Variants in PIK3AP1 observed in about 807,000 individuals in gnomAD.
PIK3AP1 encodes the protein phosphoinositide-3-kinase adaptor protein 1.
In PIK3AP1, 21 loss-of-function variants were observed where a neutral mutation model predicts 88.1. That is an observed-to-expected ratio of 0.24 (90% CI 0.17 to 0.34). The LOEUF is 0.34. Among genes scored for constraint, PIK3AP1 ranks in the 10% least tolerant of loss-of-function variants. The pLI is 1.00. For synonymous variants in PIK3AP1, 398 were observed against 400.0 expected (o/e 1.00, Z 0.06); for missense variants, 828 against 1,035.7 (o/e 0.80, Z 2.75).
intron 12 of PIK3AP1, among the ~76,000 whole-genome samples, 182 bp downstream of exon 12, chr10:96,620,170 A>G (rs1301682735): frequency 6.6e-6 from 1 of 152,188 alleles, no homozygotes; most frequent in East Asian, 1.9e-4. Flanking sequence ...CCAGGGAGCC[A>G]TGTGGTTACA....
intron 2 of PIK3AP1, among the ~76,000 whole-genome samples, chr10:96,700,119 G>C (rs1844276262): frequency 6.6e-6 from 1 of 152,156 alleles, no homozygotes; most frequent in South Asian, 2.1e-4. Flanking sequence ...CAGCATTCGT[G>C]ACTCCCTTTT....
intron 15 of PIK3AP1, chr10:96,603,709 CACCACAT>C (rs1267024713): frequency 6.9e-5 from 16 of 233,012 alleles, no homozygotes; most frequent in African/African-American, 1.4e-4. Context: ...CACACACACA[CACCACAT>C]ATATATATAT....
chr10:96,652,389 T>A (rs189509933), intron 4 of PIK3AP1, among the ~76,000 whole-genome samples: 1 of 152,066 alleles, frequency 6.6e-6, no homozygotes, highest in East Asian at 1.9e-4. Context: ...CTGGCTAACA[T>A]GGTGAAACTC....
At chr10:96,639,295 G>A (rs1286098612) in intron 8 of PIK3AP1, among the ~76,000 whole-genome samples, 2 of 152,152 alleles carry the variant, frequency 1.3e-5, no homozygotes, top group African/African-American at 4.8e-5. Flanking sequence ...TCAAATTCAA[G>A]AAATCGCTGA....
At chr10:96,634,214 G>A (rs1258071863) in intron 8 of PIK3AP1, among the ~76,000 whole-genome samples, 2 of 152,192 alleles carry the variant, frequency 1.3e-5, no homozygotes, top group African/African-American at 2.4e-5. Context: ...CAGACGATCC[G>A]AGGCACGGCT....
At chr10:96,656,957 G>A (rs556330487) in intron 2 of PIK3AP1, 23 bp from the exon 3 acceptor site, 38 of 1,603,806 alleles carry the variant, frequency 2.4e-5, no homozygotes, top group South Asian at 7.7e-5. Flanking sequence ...GGACACCGCT[G>A]AATGGGAACG....
intron 16 of PIK3AP1, among the ~76,000 whole-genome samples, chr10:96,597,586 A>G (rs769578404): frequency 1.3e-5 from 2 of 152,072 alleles, no homozygotes; most frequent in Non-Finnish European, 2.9e-5. Context: ...TAGCATAGAC[A>G]TTTATGCATA....
intron 2 of PIK3AP1, among the ~76,000 whole-genome samples, chr10:96,707,575 G>A (rs1844381185): frequency 6.6e-6 from 1 of 152,156 alleles, no homozygotes. Context: ...TTACAGGTGT[G>A]CACCACTGCG....
intron 13 of PIK3AP1, among the ~76,000 whole-genome samples, chr10:96,611,372 C>G (rs974393079): frequency 6.6e-6 from 1 of 152,182 alleles, no homozygotes; most frequent in African/African-American, 2.4e-5. Flanking sequence ...CAAAAATAGC[C>G]AGGGGCACTC....
intron 2 of PIK3AP1, among the ~76,000 whole-genome samples, chr10:96,685,003 A>G (rs935626570): frequency 5.3e-5 from 8 of 152,196 alleles, no homozygotes; most frequent in African/African-American, 1.2e-4. Context: ...GAAGATCACA[A>G]TCTCCCCAAC....
At chr10:96,703,381 TA>T (rs1844323769) in intron 2 of PIK3AP1, among the ~76,000 whole-genome samples, 1 of 151,822 alleles carries the variant, frequency 6.6e-6, no homozygotes, top group African/African-American at 2.4e-5. Context: ...AAAGAGAAAA[TA>T]ATGCATAAAA....
intron 2 of PIK3AP1, among the ~76,000 whole-genome samples, chr10:96,661,700 C>T (rs181838440): frequency 2.0e-5 from 3 of 151,956 alleles, no homozygotes; most frequent in Non-Finnish European, 4.4e-5. Flanking sequence ...GTGGGAGGGT[C>T]GCTTGAGTCC....
rs1239321656 is a variant in PIK3AP1, at chr10:96,645,604, G to C, written c.1244C>G (p.Ala415Gly). Residue 415 changes from alanine to glycine, a missense_variant, in exon 8 of 17, where the codon GCT becomes GGT. This residue lies in a region of PIK3AP1 where 610 missense variants were observed against 760.1 expected (regional missense o/e 0.80). Transcript: ENST00000339364. The stretch of plus-strand genomic sequence containing the variant: ...GGCCATGGACTCGTACACAGCATCA[G>C]CCTCCTCCCCGTGCATCAGTTCCTC... ...IKEELMHGEE[A>G]DAVYESMAHL... 1.2e-6 allele frequency: 2 copies of C among 1,612,532 alleles called. No individual in the cohort carries two copies. Among genetic ancestry groups the C allele is most frequent in the Admixed American group, 3.3e-5 (2 of 59,820 alleles).
At chr10:96,597,640 C>T (rs889977961) in intron 16 of PIK3AP1, among the ~76,000 whole-genome samples, 6 of 152,100 alleles carry the variant, frequency 3.9e-5, no homozygotes, top group African/African-American at 7.2e-5. Flanking sequence ...ATTGTTTTCT[C>T]ATCTGCCAAA....
intron 3 of PIK3AP1, among the ~76,000 whole-genome samples, chr10:96,653,598 A>C (rs995051273): frequency 7.2e-6 from 1 of 138,916 alleles, no homozygotes. Flanking sequence ...AGCGATTCTC[A>C]TGCCTCAGCC....
At chr10:96,635,978 G>C (rs1471190806) in intron 8 of PIK3AP1, among the ~76,000 whole-genome samples, 1 of 151,994 alleles carries the variant, frequency 6.6e-6, no homozygotes, top group East Asian at 1.9e-4. Flanking sequence ...GAGGCCGAGG[G>C]GGGTGGATCA....
At chr10:96,653,659 T>C (rs1215413594) in intron 3 of PIK3AP1, among the ~76,000 whole-genome samples, 1 of 151,688 alleles carries the variant, frequency 6.6e-6, no homozygotes, top group Non-Finnish European at 1.5e-5. Flanking sequence ...GGCAAATTTT[T>C]CTCTGTTTAG....
chr10:96,597,066 TC>T (rs1848767941), intron 16 of PIK3AP1, among the ~76,000 whole-genome samples: 2 of 151,880 alleles, frequency 1.3e-5, no homozygotes, highest in Admixed American at 1.3e-4. Context: ...CCTGCCCTAG[TC>T]CCAGGATTAG....
At position 96,595,365 on chromosome 10, in the gene PIK3AP1, G is replaced by A. The variant is rs1480820897; in HGVS notation, c.*212C>T. The A allele has an allele frequency of 8.6e-6, 5 of 578,396 alleles. No individual in the cohort carries two copies. In the East Asian group the frequency reaches 1.5e-4, roughly 17 times the overall value. The allele number at this position is 578,396 out of a possible 1,614,324, so 35.8% of individuals were successfully genotyped here. On this transcript the variant is annotated 3_prime_UTR_variant, in exon 17 of 17. Transcript: ENST00000339364. ...AAGTATATGGTTCGATATACTTGGT[G>A]ATGGTGAATGAAGCCCTTAGTTTTT...
Sources: allele counts gnomAD v4.1 joint callset (sites outside exome capture counted in the v4.1 genomes callset), GRCh38; gene constraint gnomAD v4.1.1; regional missense constraint gnomAD v4.1.1; transcripts MANE v1.5; gene names NCBI Gene and HGNC (gene_info 2026-07-23, HGNC 2026-07-21).